Variants in TFPI observed in about 807,000 individuals in gnomAD.
TFPI encodes tissue factor pathway inhibitor, also known as anti-convertin.
Under a neutral mutation model 34.6 loss-of-function variants are expected in TFPI, and 15 were observed. The ratio of observed to expected loss-of-function variants is 0.43; its 90% CI spans 0.29 to 0.67. TFPI has a LOEUF of 0.67. TFPI is among the 30% of genes least tolerant of loss of function. TFPI has a pLI of 0.15. For synonymous variants in TFPI, 105 were observed against 120.1 expected, an observed-to-expected ratio of 0.87 and a Z score of 0.82; for missense variants, 301 against 364.0, an observed-to-expected ratio of 0.83 and a Z score of 1.41.
chr2:187,515,248 G>C (rs1321377403), intron 1 of TFPI: 1 of 152,186 alleles, frequency 6.6e-6, no homozygotes, highest in Non-Finnish European at 1.5e-5. Flanking sequence ...CCATACTGTG[G>C]TGACTTTAAT....
chr2:187,496,846 A>C, intron 3 of TFPI, 35 bp downstream of exon 3: 1 of 1,581,104 alleles, frequency 6.3e-7, no homozygotes, highest in Non-Finnish European at 8.7e-7. Flanking sequence ...ATAGCCCTAA[A>C]GGGTCTTGAG....
chr2:187,531,789 T>C (rs961115126), intron 1 of TFPI, among the ~76,000 whole-genome samples: 1 of 152,170 alleles, frequency 6.6e-6, no homozygotes, highest in Non-Finnish European at 1.5e-5. Flanking sequence ...AGCATTCTAT[T>C]TGATATTATT....
At chr2:187,492,131 T>C (rs1178042963) in intron 3 of TFPI, among the ~76,000 whole-genome samples, 2 of 152,192 alleles carry the variant, frequency 1.3e-5, no homozygotes, top group African/African-American at 2.4e-5. Flanking sequence ...CAAATATTTT[T>C]CTCATTCCTT....
intron 6 of TFPI, among the ~76,000 whole-genome samples, chr2:187,475,165 C>T (rs923261661): frequency 1.3e-5 from 2 of 152,030 alleles, no homozygotes; most frequent in Admixed American, 6.6e-5. Flanking sequence ...ATGGTAGTCC[C>T]GTGTAGGAGA....
chr2:187,500,249 A>G (rs1248711967), intron 2 of TFPI, among the ~76,000 whole-genome samples: 1 of 151,662 alleles, frequency 6.6e-6, no homozygotes, highest in Non-Finnish European at 1.5e-5. Flanking sequence ...CATTTTTGTA[A>G]TTGTACCCTT....
intron 2 of TFPI, 38 bp downstream of exon 2, chr2:187,503,610 T>G: frequency 1.2e-6 from 2 of 1,600,038 alleles, no homozygotes; most frequent in East Asian, 4.5e-5. Context: ...TTGAGAGCTT[T>G]AACTAGCTTA....
chr2:187,468,375 G>C (rs887469778), intron 6 of TFPI, among the ~76,000 whole-genome samples: 1 of 151,922 alleles, frequency 6.6e-6, no homozygotes, highest in Admixed American at 6.6e-5. Flanking sequence ...TTTTATTTGT[G>C]ATGTAACAAA....
At chr2:187,550,239 G>A (rs1261594095) in intron 1 of TFPI, among the ~76,000 whole-genome samples, 1 of 152,098 alleles carries the variant, frequency 6.6e-6, no homozygotes, top group African/African-American at 2.4e-5. Flanking sequence ...TCTAAAGACT[G>A]GGTGAAGCAC....
chr2:187,482,508 C>CA (rs1692946620), intron 6 of TFPI, among the ~76,000 whole-genome samples: 1 of 152,020 alleles, frequency 6.6e-6, no homozygotes, highest in Non-Finnish European at 1.5e-5. Context: ...GTTCATCTGG[C>CA]ATTCAATTCA....
intron 6 of TFPI, among the ~76,000 whole-genome samples, chr2:187,479,198 G>T (rs919710063): frequency 1.3e-5 from 2 of 151,906 alleles, no homozygotes; most frequent in African/African-American, 4.8e-5. Context: ...ATATTTAAGG[G>T]ACAGAAAATA....
intron 1 of TFPI, among the ~76,000 whole-genome samples, chr2:187,521,309 T>G (rs533834748): frequency 6.6e-6 from 1 of 152,256 alleles, no homozygotes; most frequent in South Asian, 2.1e-4. Context: ...ACTGTATATA[T>G]GTATATACCA....
chr2:187,502,931 C>T (rs1209975072), intron 2 of TFPI, among the ~76,000 whole-genome samples: 2 of 152,148 alleles, frequency 1.3e-5, no homozygotes, highest in Non-Finnish European at 2.9e-5. Flanking sequence ...TCTTAAACCA[C>T]TATACAAAAA....
intron 3 of TFPI, among the ~76,000 whole-genome samples, chr2:187,495,961 G>A (rs1176585743): frequency 2.0e-5 from 3 of 151,686 alleles, no homozygotes; most frequent in Non-Finnish European, 2.9e-5. Context: ...CAAAATTTTG[G>A]TCAGTAATTA....
At chr2:187,548,075 A>G (rs1688961014) in intron 1 of TFPI, among the ~76,000 whole-genome samples, 1 of 152,114 alleles carries the variant, frequency 6.6e-6, no homozygotes, top group South Asian at 2.1e-4. Context: ...AGCTTTAAAG[A>G]CATTAAAGGA....
chr2:187,528,902 G>A (rs1277217253), intron 1 of TFPI, among the ~76,000 whole-genome samples: 1 of 151,722 alleles, frequency 6.6e-6, no homozygotes, highest in Admixed American at 6.6e-5. Flanking sequence ...TAACACTGAT[G>A]TATAGATTGA....
At chr2:187,542,473 G>A (rs1688633506) in intron 1 of TFPI, among the ~76,000 whole-genome samples, 1 of 152,080 alleles carries the variant, frequency 6.6e-6, no homozygotes, top group South Asian at 2.1e-4. Context: ...GAAAGAGATT[G>A]AGATTGTCTT....
At chr2:187,482,072 T>C (rs1441518102) in intron 6 of TFPI, among the ~76,000 whole-genome samples, 2 of 152,066 alleles carry the variant, frequency 1.3e-5, no homozygotes, top group Non-Finnish European at 2.9e-5. Flanking sequence ...CTTGGTAGTA[T>C]GCTTACCAAA....
chr2:187,469,678 T>C (rs1238507706), intron 6 of TFPI, among the ~76,000 whole-genome samples: 1 of 152,140 alleles, frequency 6.6e-6, no homozygotes, highest in East Asian at 1.9e-4. Context: ...GTCATCTTCA[T>C]GTTGTACATT....
intron 1 of TFPI, among the ~76,000 whole-genome samples, chr2:187,536,836 CCAT>C (rs1688284575): frequency 6.6e-6 from 1 of 152,176 alleles, no homozygotes; most frequent in African/African-American, 2.4e-5. Flanking sequence ...TTAGAAAACA[CCAT>C]CATCTCAGTC....
Sources: allele counts gnomAD v4.1 joint callset (sites outside exome capture counted in the v4.1 genomes callset), GRCh38; gene constraint gnomAD v4.1.1; transcripts MANE v1.5; gene names NCBI Gene and HGNC (gene_info 2026-07-23, HGNC 2026-07-21).